The following SNX9 variants were observed in gnomAD, a reference collection of about 807,000 sequenced individuals.
SNX9 encodes sorting nexin-9.
SNX9 carries 44 observed loss-of-function variants against 89.4 expected under a neutral mutation model. The ratio of observed to expected loss-of-function variants is 0.49; its 90% CI spans 0.39 to 0.63. The LOEUF (loss-of-function observed/expected upper bound fraction) is 0.63. Among genes scored for constraint, SNX9 ranks in the 30% least tolerant of loss-of-function variants. The pLI, the probability that SNX9 is intolerant of heterozygous loss-of-function variation, is 0.00. For missense variants in SNX9, 578 were observed against 736.1 expected (o/e 0.79, Z 2.49); for synonymous variants, 236 against 247.8 (o/e 0.95, Z 0.45).
At chr6:157,924,473 G>A (rs2115195323) in intron 10 of SNX9, 1 of 152,334 alleles carries the variant, frequency 6.6e-6, no homozygotes, top group Non-Finnish European at 1.5e-5. Flanking sequence ...AGCCAAAGGA[G>A]TCATTATACT....
At chr6:157,840,320 G>C (rs993179091) in intron 1 of SNX9, among the ~76,000 whole-genome samples, 1 of 152,234 alleles carries the variant, frequency 6.6e-6, no homozygotes, top group Non-Finnish European at 1.5e-5. Context: ...AGGCCCAGGC[G>C]ACCACGGGGG....
intron 4 of SNX9, among the ~76,000 whole-genome samples, chr6:157,880,645 C>T (rs746982138): frequency 1.3e-5 from 2 of 152,326 alleles, no homozygotes; most frequent in Admixed American, 6.5e-5. Context: ...CGAGTGCCAT[C>T]GTGAGCCACA....
intron 9 of SNX9, among the ~76,000 whole-genome samples, chr6:157,920,511 G>C (rs575248580): frequency 1.4e-4 from 22 of 152,294 alleles, no homozygotes; most frequent in African/African-American, 5.1e-4. Context: ...TGGCACACAG[G>C]CAGCAGATGC....
chr6:157,942,704 T>G (rs183235704), intron 17 of SNX9, 87 bp from the exon 18 acceptor site: 2 of 1,392,418 alleles, frequency 1.4e-6, no homozygotes, highest in African/African-American at 2.8e-5. Context: ...GTGTCATGTT[T>G]AACTTGTTGG....
At chr6:157,841,309 G>A (rs908412258) in intron 1 of SNX9, among the ~76,000 whole-genome samples, 1 of 152,090 alleles carries the variant, frequency 6.6e-6, no homozygotes, top group South Asian at 2.1e-4. Context: ...CAAGATGAAG[G>A]GCATCCCCCA....
intron 4 of SNX9, among the ~76,000 whole-genome samples, chr6:157,893,953 G>A (rs1481183427): frequency 2.0e-5 from 3 of 152,030 alleles, no homozygotes; most frequent in Non-Finnish European, 4.4e-5. Context: ...AGAGAGTCCA[G>A]CTATAGACCC....
rs571680212 is a variant in SNX9 at position 157,896,550 on chromosome 6, G to A, written c.301-277G>A. On this transcript the variant is annotated intron_variant, in intron 4 of 17. Coordinates refer to ENST00000392185, the MANE Select transcript of SNX9 (RefSeq NM_016224.5). ...TCTGGAGAGAAAGAAAGAGAGGGCT[G>A]TAGCTGCATCTAATAGTTTCTTTGT... 3.3e-5 allele frequency among the ~76,000 whole-genome samples: 5 copies of A among 152,346 alleles called. No individual in the cohort carries two copies. In the South Asian group the frequency reaches 6.2e-4, roughly 19 times the overall value.
intron 12 of SNX9, among the ~76,000 whole-genome samples, chr6:157,931,474 A>T (rs1340265387): frequency 1.3e-5 from 2 of 152,232 alleles, no homozygotes; most frequent in African/African-American, 4.8e-5. Flanking sequence ...CTCCATACAG[A>T]TGCAAAGAAA....
At chr6:157,928,929 CTTAA>C (rs968169092) in intron 12 of SNX9, among the ~76,000 whole-genome samples, 1 of 152,182 alleles carries the variant, frequency 6.6e-6, no homozygotes, top group African/African-American at 2.4e-5. Flanking sequence ...ACCACGTTCA[CTTAA>C]TTAGTTCCAG....
At chr6:157,897,078 T>C in intron 5 of SNX9, 80 bp downstream of exon 5, 1 of 1,366,236 alleles carries the variant, frequency 7.3e-7, no homozygotes, top group Non-Finnish European at 9.8e-7. Context: ...CTGTTTTTGC[T>C]GTTCCCACAC....
intron 6 of SNX9, among the ~76,000 whole-genome samples, chr6:157,903,911 C>A (rs1387353984): frequency 6.6e-6 from 1 of 152,216 alleles, no homozygotes; most frequent in Non-Finnish European, 1.5e-5. Flanking sequence ...GCCTCTGAGG[C>A]ATCTCTGTCT....
chr6:157,869,818 ACT>A (rs1782352851), intron 2 of SNX9, among the ~76,000 whole-genome samples: 1 of 151,536 alleles, frequency 6.6e-6, no homozygotes. Flanking sequence ...CCATGTACGT[ACT>A]CTCACGCACT....
chr6:157,861,696 G>T (rs1036779423), intron 1 of SNX9, among the ~76,000 whole-genome samples: 10 of 152,078 alleles, frequency 6.6e-5, no homozygotes, highest in African/African-American at 2.4e-4. Context: ...AGACCTCCAG[G>T]GATGCCTGCA....
intron 1 of SNX9, among the ~76,000 whole-genome samples, chr6:157,856,380 C>T (rs1393283904): frequency 1.3e-5 from 2 of 152,168 alleles, no homozygotes; most frequent in African/African-American, 2.4e-5. Context: ...TCTCTTGCTC[C>T]TGCATTATTT....
chr6:157,835,836 A>T (rs1781571809), intron 1 of SNX9, among the ~76,000 whole-genome samples: 1 of 152,132 alleles, frequency 6.6e-6, no homozygotes. Flanking sequence ...TCTTTCCTGT[A>T]TAAATTACCC....
chr6:157,928,479 G>A, intron 11 of SNX9, 120 bp from the exon 12 acceptor site: 1 of 724,818 alleles, frequency 1.4e-6, no homozygotes, highest in African/African-American at 1.8e-5. Flanking sequence ...GGCTAACTTA[G>A]TGAAAGGGGA....
At chr6:157,939,594 C>T (rs1482786556) in intron 16 of SNX9, among the ~76,000 whole-genome samples, 1 of 152,140 alleles carries the variant, frequency 6.6e-6, no homozygotes, top group Admixed American at 6.5e-5. Context: ...AGCACATTTG[C>T]AGGCTTTTCC....
intron 9 of SNX9, among the ~76,000 whole-genome samples, chr6:157,910,673 A>G (rs750500608): frequency 1.3e-5 from 2 of 152,056 alleles, no homozygotes; most frequent in African/African-American, 4.8e-5. Context: ...TAAGTAACCC[A>G]TAGTGTTACT....
intron 4 of SNX9, among the ~76,000 whole-genome samples, chr6:157,884,098 C>A (rs547210872): frequency 1.9e-4 from 29 of 152,350 alleles, no homozygotes; most frequent in Admixed American, 7.2e-4. Flanking sequence ...GGCCTAGGAG[C>A]TGTCCATCAC....
Sources: gnomAD v4.1 joint callset for allele counts (sites outside exome capture counted in the v4.1 genomes callset) on GRCh38, gnomAD v4.1.1 for gene constraint, MANE v1.5 for transcripts, NCBI Gene and HGNC (gene_info 2026-07-23, HGNC 2026-07-21) for gene names.